Variants in TNKS observed in about 807,000 individuals in gnomAD.
TNKS encodes the protein poly [ADP-ribose] polymerase tankyrase-1.
Under a neutral mutation model 135.8 loss-of-function variants are expected in TNKS, and 72 were observed. The observed-to-expected ratio is 0.53, with a 90% CI of 0.44 to 0.64. The LOEUF (loss-of-function observed/expected upper bound fraction) is 0.64, where lower values mean the gene tolerates loss of function less well. TNKS is among the 30% of genes least tolerant of loss of function. TNKS has a pLI of 0.00. For missense variants in TNKS, 1,769 were observed against 1,674.0 expected, an observed-to-expected ratio of 1.06 and a Z score of -0.99; for synonymous variants, 849 against 649.3, an observed-to-expected ratio of 1.31 and a Z score of -4.68.
chr8:9,757,210 C>T (rs1204598313), intron 20 of TNKS, among the ~76,000 whole-genome samples: 5 of 152,154 alleles, frequency 3.3e-5, no homozygotes, highest in South Asian at 4.1e-4. Context: ...CTCCTGACCC[C>T]GTGATCTGCC....
chr8:9,698,955 C>T (rs1212860565), intron 5 of TNKS, among the ~76,000 whole-genome samples: 1 of 152,158 alleles, frequency 6.6e-6, no homozygotes, highest in Non-Finnish European at 1.5e-5. Flanking sequence ...ATTTATCTTA[C>T]AGCAGAATAA....
At chr8:9,569,939 A>G (rs1797694894) in intron 1 of TNKS, among the ~76,000 whole-genome samples, 1 of 151,746 alleles carries the variant, frequency 6.6e-6, no homozygotes, top group South Asian at 2.1e-4. Flanking sequence ...TTTCAAATCT[A>G]TTGCCTTAAA....
chr8:9,664,304 G>A (rs1801883328), intron 3 of TNKS, among the ~76,000 whole-genome samples: 1 of 152,086 alleles, frequency 6.6e-6, no homozygotes, highest in Non-Finnish European at 1.5e-5. Flanking sequence ...GATGGAGAGG[G>A]AGGTGCCAGG....
chr8:9,558,716 A>T (rs892938964), intron 1 of TNKS: 6 of 152,196 alleles, frequency 3.9e-5, no homozygotes, highest in Non-Finnish European at 7.4e-5. Flanking sequence ...AAACAATCAA[A>T]CAGTACCGTA....
intron 3 of TNKS, among the ~76,000 whole-genome samples, chr8:9,649,878 CTTTTTTTTTTTTTTTTTTT>C (rs71201959): frequency 3.6e-5 from 3 of 83,362 alleles, no homozygotes; most frequent in East Asian, 3.2e-4. Flanking sequence ...CTTTTCTTTT[CTTTTTTTTTTTTTTTTTTT>C]TTTTTTTTTT....
At chr8:9,668,112 T>C (rs369722545) in intron 3 of TNKS, among the ~76,000 whole-genome samples, 2 of 152,312 alleles carry the variant, frequency 1.3e-5, no homozygotes, top group East Asian at 3.9e-4. Context: ...GTGTGAACAT[T>C]ATCTGTCAGG....
chr8:9,580,100 T>C, intron 1 of TNKS, 59 bp from the exon 2 acceptor site: 1 of 1,427,862 alleles, frequency 7.0e-7, no homozygotes, highest in East Asian at 2.3e-5. Context: ...ACAGATATTC[T>C]AATGGTTCTT....
intron 3 of TNKS, among the ~76,000 whole-genome samples, chr8:9,649,699 T>C (rs1801066161): frequency 6.6e-6 from 1 of 151,868 alleles, no homozygotes; most frequent in South Asian, 2.1e-4. Flanking sequence ...GCTTAGCTAC[T>C]ACTTATTAGT....
chr8:9,742,120 A>G (rs1003202158), intron 17 of TNKS, among the ~76,000 whole-genome samples: 2 of 152,226 alleles, frequency 1.3e-5, no homozygotes, highest in African/African-American at 2.4e-5. Flanking sequence ...TCATCCTTGT[A>G]TGGAAGAATG....
In TNKS at chr8:9,735,477, A is replaced by G. The variant is rs1805651283; in HGVS notation, c.2634A>G (p.Ala878=). Residue 878 remains alanine (A), a synonymous_variant, in exon 17 of 27, where the codon GCA becomes GCG. Transcript: ENST00000310430. The part of the protein sequence containing the change: ...KGGLIPLHNA[A]SYGHVDIAAL... Reference sequence around the variant, plus strand: ...GTTTAATTCCTCTTCATAATGCGGCATCTTATGGGGTAAGCATACTAACAT... The same window carrying G: ...GTTTAATTCCTCTTCATAATGCGGCGTCTTATGGGGTAAGCATACTAACAT... 6.2e-7 allele frequency: 1 copy of G among 1,613,248 alleles called. No homozygotes were observed. Among genetic ancestry groups the G allele is most frequent in the African/African-American group, 1.3e-5 (1 of 74,998 alleles).
chr8:9,733,551 A>T, intron 15 of TNKS, 107 bp downstream of exon 15: 1 of 874,780 alleles, frequency 1.1e-6, no homozygotes, highest in Non-Finnish European at 1.7e-6. Context: ...ATACTGCTGT[A>T]GAGACTGCTC....
At chr8:9,745,755 T>C (rs1430546679) in intron 17 of TNKS, among the ~76,000 whole-genome samples, 1 of 152,200 alleles carries the variant, frequency 6.6e-6, no homozygotes, top group African/African-American at 2.4e-5. Flanking sequence ...AGAGCAAATG[T>C]GGAAGCTTTC....
In TNKS at chr8:9,708,404, C is replaced by A; in HGVS notation, c.1490C>A (p.Ala497Asp). Reference protein sequence around the residue: ...EFKGHSLLQAAREADLAKVKK... With the variant: ...EFKGHSLLQADREADLAKVKK... ...AAAGGTCATTCTTTACTACAAGCAG[C>A]CAGAGAAGCAGACTTAGCTAAAGTT... is the stretch of plus-strand genomic sequence containing the variant. Residue 497 changes from alanine (A) to aspartate (D), a missense_variant, in exon 9 of 27, where the codon GCC (alanine) becomes GAC (aspartate). Around this residue, in one of 5 missense-constraint regions of TNKS, gnomAD observed 523 missense variants for 541.0 expected, o/e 0.97. Transcript: ENST00000310430. 6.2e-7 allele frequency: 1 copy of A among 1,607,578 alleles called. No homozygotes were observed. The highest frequency in any genetic ancestry group is 8.5e-7 in the Non-Finnish European group (1 of 1,176,714).
At chr8:9,670,301 G>A (rs562962887) in intron 3 of TNKS, 16 of 152,226 alleles carry the variant, frequency 1.1e-4, no homozygotes, top group African/African-American at 3.6e-4. Context: ...TATAAGTCAG[G>A]AGAACATTTT....
At chr8:9,587,048 T>C (rs1013526713) in intron 2 of TNKS, among the ~76,000 whole-genome samples, 1 of 152,198 alleles carries the variant, frequency 6.6e-6, no homozygotes, top group Non-Finnish European at 1.5e-5. Flanking sequence ...AAGATGTTCA[T>C]ATCTTAATTC....
intron 1 of TNKS, among the ~76,000 whole-genome samples, chr8:9,562,801 T>C (rs1196630199): frequency 1.3e-5 from 2 of 152,048 alleles, no homozygotes; most frequent in African/African-American, 4.8e-5. Context: ...GAATGGGAAT[T>C]TCCTTCCCTT....
intron 5 of TNKS, among the ~76,000 whole-genome samples, chr8:9,685,135 G>A (rs1802936149): frequency 6.6e-6 from 1 of 152,090 alleles, no homozygotes; most frequent in Admixed American, 6.5e-5. Context: ...AAGATGACTG[G>A]AAACAGAGAA....
Position 9,726,703 on chromosome 8 carries a change from G to C in TNKS, c.1984G>C (p.Asp662His), listed in dbSNP as rs1363583222. Residue 662 changes from aspartate (D) to histidine (H), a missense_variant, in exon 13 of 27, where the codon GAC (aspartate) becomes CAC (histidine). Asp to His is a moderately conservative substitution (Grantham distance 81). Transcript: ENST00000310430. ...ACTCTTAGAGGCATCTAAAGCTGGA[G>C]ACTTGGAAACTGTGAAGGTAAGTCA... ...YRLLEASKAGDLETVKQLCSS... is the reference protein window; with the variant it reads ...YRLLEASKAGHLETVKQLCSS... The C allele has an allele frequency of 6.2e-7, 1 of 1,613,358 alleles. No individual in the cohort carries two copies. The highest frequency in any genetic ancestry group is 8.5e-7 in the Non-Finnish European group (1 of 1,179,762).
intron 2 of TNKS, among the ~76,000 whole-genome samples, chr8:9,597,979 A>G (rs560634326): frequency 1.9e-4 from 29 of 152,358 alleles, no homozygotes; most frequent in African/African-American, 7.0e-4. Flanking sequence ...GCTTTTAGCT[A>G]AATAACTTTC....
Sources: allele counts gnomAD v4.1 joint callset (sites outside exome capture counted in the v4.1 genomes callset), GRCh38; gene constraint gnomAD v4.1.1; regional missense constraint gnomAD v4.1.1; transcripts MANE v1.5; gene names NCBI Gene and HGNC (gene_info 2026-07-23, HGNC 2026-07-21).